The following SLC24A3 variants were observed in gnomAD, a reference collection of about 807,000 sequenced individuals.
The protein encoded by SLC24A3 is sodium/potassium/calcium exchanger 3.
A neutral mutation model predicts 75.8 loss-of-function variants in SLC24A3; 28 were observed. The ratio of observed to expected loss-of-function variants is 0.37; its 90% confidence interval spans 0.27 to 0.51. The LOEUF (loss-of-function observed/expected upper bound fraction) is 0.51, where lower values mean the gene tolerates loss of function less well. Among genes scored for constraint, SLC24A3 ranks in the 20% least tolerant of loss-of-function variants. SLC24A3 has a pLI of 0.94. For missense variants in SLC24A3, 663 were observed against 847.8 expected, an observed-to-expected ratio of 0.78 and a Z score of 2.71; for synonymous variants, 372 against 334.1, an observed-to-expected ratio of 1.11 and a Z score of -1.24.
At chr20:19,266,157 A>G (rs939788026) in intron 1 of SLC24A3, among the ~76,000 whole-genome samples, 3 of 152,198 alleles carry the variant, frequency 2.0e-5, no homozygotes, top group African/African-American at 7.2e-5. Context: ...CAATAAGAAA[A>G]AAAAATGATG....
At chr20:19,539,631 C>G (rs754928151) in intron 3 of SLC24A3, among the ~76,000 whole-genome samples, 2 of 152,120 alleles carry the variant, frequency 1.3e-5, no homozygotes, top group Non-Finnish European at 2.9e-5. Context: ...ACCTTTCCTC[C>G]CCATCATAAG....
chr20:19,717,849 A>G (rs2122177796), intron 16 of SLC24A3, among the ~76,000 whole-genome samples: 1 of 152,372 alleles, frequency 6.6e-6, no homozygotes, highest in East Asian at 1.9e-4. Flanking sequence ...CCCAAACACA[A>G]AGAGAAGATC....
chr20:19,533,802 T>C (rs2030346959), intron 3 of SLC24A3, among the ~76,000 whole-genome samples: 1 of 152,248 alleles, frequency 6.6e-6, no homozygotes, highest in African/African-American at 2.4e-5. Context: ...ACCATATCTA[T>C]ATCTTGGAAA....
chr20:19,505,358 T>C (rs1204699407), intron 2 of SLC24A3, among the ~76,000 whole-genome samples: 1 of 152,184 alleles, frequency 6.6e-6, no homozygotes, highest in African/African-American at 2.4e-5. Context: ...ATTGCCATGA[T>C]TTAGGGGAAA....
intron 3 of SLC24A3, among the ~76,000 whole-genome samples, chr20:19,565,311 AC>A (rs950818067): frequency 4.0e-5 from 6 of 150,810 alleles, no homozygotes; most frequent in Admixed American, 3.3e-4. Context: ...CGAATGTTTC[AC>A]CCCTACAACC....
At chr20:19,676,135 C>G (rs1284846283) in intron 9 of SLC24A3, among the ~76,000 whole-genome samples, 1 of 152,200 alleles carries the variant, frequency 6.6e-6, no homozygotes, top group African/African-American at 2.4e-5. Context: ...TCTTCAAAAA[C>G]AGATGTGGCC....
chr20:19,311,199 C>G (rs778530444), intron 2 of SLC24A3, among the ~76,000 whole-genome samples: 1 of 151,978 alleles, frequency 6.6e-6, no homozygotes, highest in Non-Finnish European at 1.5e-5. Flanking sequence ...TTCAGATTTG[C>G]GAGGAATTTG....
rs550852648 is a variant in SLC24A3 at position 19,722,420 on chromosome 20, A to G, written c.*1280A>G. 37 of 152,848 alleles carry G rather than the reference A, an allele frequency of 2.4e-4. No individual in the cohort carries two copies. The highest frequency in any genetic ancestry group is 8.7e-4 in the African/African-American group (36 of 41,590). The allele number at this position is 152,848 out of a possible 1,614,324, so 9.5% of individuals were successfully genotyped here. On this transcript the variant is annotated 3_prime_UTR_variant, in exon 17 of 17. Transcript: ENST00000328041. Reference sequence around the variant, plus strand: ...TGAAACCACAGAATGTGTTACATGCAGACTCGCTCAAGGGCATAAGTTATT... The same window carrying G: ...TGAAACCACAGAATGTGTTACATGCGGACTCGCTCAAGGGCATAAGTTATT...
chr20:19,552,325 A>T (rs2030710643), intron 3 of SLC24A3, among the ~76,000 whole-genome samples: 1 of 152,112 alleles, frequency 6.6e-6, no homozygotes, highest in Admixed American at 6.5e-5. Context: ...CTGTCTGCGC[A>T]AGCAAAGCTC....
At chr20:19,409,193 A>G (rs1475233665) in intron 2 of SLC24A3, among the ~76,000 whole-genome samples, 1 of 152,186 alleles carries the variant, frequency 6.6e-6, no homozygotes, top group Non-Finnish European at 1.5e-5. Context: ...ACTGAATTAC[A>G]AGGAGACACC....
chr20:19,472,570 C>G (rs1265735208), intron 2 of SLC24A3, among the ~76,000 whole-genome samples: 1 of 152,206 alleles, frequency 6.6e-6, no homozygotes, highest in African/African-American at 2.4e-5. Context: ...GACGCTCTAC[C>G]TCATTTTCAT....
chr20:19,596,697 T>A (rs979809583), intron 6 of SLC24A3, among the ~76,000 whole-genome samples: 2 of 152,214 alleles, frequency 1.3e-5, no homozygotes, highest in Non-Finnish European at 2.9e-5. Flanking sequence ...GGACTTCAGA[T>A]ACGGTGACAC....
chr20:19,448,813 A>G (rs1166281951), intron 2 of SLC24A3, among the ~76,000 whole-genome samples: 1 of 152,202 alleles, frequency 6.6e-6, no homozygotes, highest in Non-Finnish European at 1.5e-5. Flanking sequence ...ATGCAAAGCC[A>G]CTTAGCACAG....
intron 6 of SLC24A3, among the ~76,000 whole-genome samples, chr20:19,607,031 G>T (rs2031606245): frequency 6.6e-6 from 1 of 152,188 alleles, no homozygotes; most frequent in African/African-American, 2.4e-5. Flanking sequence ...ACGTGTGAAT[G>T]AGTTTAGATG....
chr20:19,466,305 C>T (rs1363277462), intron 2 of SLC24A3, among the ~76,000 whole-genome samples: 1 of 152,180 alleles, frequency 6.6e-6, no homozygotes, highest in Non-Finnish European at 1.5e-5. Flanking sequence ...ATGCTGCAGA[C>T]CTCTCCTGAG....
chr20:19,617,240 G>A (rs2031747723), intron 6 of SLC24A3, among the ~76,000 whole-genome samples: 1 of 152,224 alleles, frequency 6.6e-6, no homozygotes, highest in Non-Finnish European at 1.5e-5. Flanking sequence ...ATCTAGACGA[G>A]GCCGTGGAGC....
chr20:19,400,224 A>G (rs993129608), intron 2 of SLC24A3, among the ~76,000 whole-genome samples: 2 of 152,026 alleles, frequency 1.3e-5, no homozygotes, highest in African/African-American at 4.8e-5. Flanking sequence ...ATTTTACCTT[A>G]TTAGGTGCTG....
At chr20:19,614,116 C>A (rs2031705504) in intron 6 of SLC24A3, among the ~76,000 whole-genome samples, 1 of 152,130 alleles carries the variant, frequency 6.6e-6, no homozygotes, top group Non-Finnish European at 1.5e-5. Context: ...TAAGAGATTG[C>A]AATTGAGAGT....
intron 1 of SLC24A3, among the ~76,000 whole-genome samples, chr20:19,239,759 C>T (rs929495205): frequency 2.6e-5 from 4 of 152,188 alleles, no homozygotes; most frequent in Non-Finnish European, 4.4e-5. Context: ...TCTCAAAGGT[C>T]CCCCTCGATG....
Sources: allele counts gnomAD v4.1 joint callset (sites outside exome capture counted in the v4.1 genomes callset), GRCh38; gene constraint gnomAD v4.1.1; transcripts MANE v1.5; gene names NCBI Gene and HGNC (gene_info 2026-07-23, HGNC 2026-07-21).